MASP2: variants seen among roughly 807,000 people sequenced by gnomAD.
MASP2 encodes mannan-binding lectin serine protease 2.
Under a neutral mutation model 57.1 loss-of-function variants are expected in MASP2, and 49 were observed. That is an observed-to-expected ratio of 0.86 (90% CI 0.68 to 1.09). The LOEUF (loss-of-function observed/expected upper bound fraction) is 1.09, where lower values mean the gene tolerates loss of function less well. MASP2 is among the 50% of genes least tolerant of loss of function. The probability of loss-of-function intolerance (pLI) is 0.00; values close to 1 mark genes in which losing one functional copy is unlikely to be tolerated. For missense variants in MASP2, 900 were observed against 874.8 expected (o/e 1.03, Z -0.36); for synonymous variants, 379 against 340.8 (o/e 1.11, Z -1.24).
chr1:11,030,433 T>TG, intron 9 of MASP2, 183 bp from the exon 10 acceptor site: 1 of 594,510 alleles, frequency 1.7e-6, no homozygotes, highest in South Asian at 2.1e-5. Flanking sequence ...GCTTGCAAAG[T>TG]GGAAACCTTT....
rs759247288 is a variant in MASP2, at chr1:11,045,541, T to G, written c.413-2A>C. The G allele has an allele frequency of 5.0e-6, 8 of 1,603,256 alleles. No homozygotes were observed. In the East Asian group the frequency reaches 1.8e-4, roughly 36 times the overall value. ...GGGCCACCTGGCACTCGTCAATGTC[T>G]GGGGGAGAGGCAGGGCCAGGCAGGC... On this transcript the variant is annotated splice_acceptor_variant, in intron 3 of 10. Transcript: ENST00000400897. LOFTEE classifies it high-confidence loss of function.
Position 11,026,694 on chromosome 1 carries a change from G to A in MASP2, c.*191C>T. 1 of 432,296 alleles carries A rather than the reference G, an allele frequency of 2.3e-6. No homozygotes were observed. The highest frequency in any genetic ancestry group is 6.0e-4 in the Middle Eastern group (1 of 1,668). The allele number at this position is 432,296 out of a possible 1,614,324, so 26.8% of individuals were successfully genotyped here. A position where few individuals can be genotyped will look rare whatever the true frequency, so the allele number is the denominator to read the frequency against. On this transcript the variant is annotated 3_prime_UTR_variant, in exon 11 of 11. Transcript: ENST00000400897. The stretch of plus-strand genomic sequence containing the variant: ...ACTCTCGTGGTTTATGTCCCCTTGA[G>A]TCAATGGGTAAGGCTGGAATTAAAC...
chr1:11,039,667 A>C (rs912899687), intron 6 of MASP2, among the ~76,000 whole-genome samples: 1 of 130,776 alleles, frequency 7.6e-6, no homozygotes, highest in East Asian at 2.4e-4. Flanking sequence ...GAATGGATGC[A>C]TGGATGGATG....
intron 10 of MASP2, 154 bp downstream of exon 10, chr1:11,030,022 G>T: frequency 1.7e-6 from 1 of 580,844 alleles, no homozygotes; most frequent in African/African-American, 1.9e-5. Context: ...TGGGAAGGGG[G>T]TAATGAGAAC....
At chr1:11,033,872 G>A (rs1315060557) in intron 8 of MASP2, among the ~76,000 whole-genome samples, 1 of 151,278 alleles carries the variant, frequency 6.6e-6, no homozygotes, top group Admixed American at 6.6e-5. Flanking sequence ...GGCAGAGGTT[G>A]CAGTGAGCCG....
At position 11,026,689 on chromosome 1, in the gene MASP2, C is replaced by A; in HGVS notation, c.*196G>T. 7.1e-6 allele frequency: 3 copies of A among 423,264 alleles called. No individual in the cohort carries two copies. The allele number at this position is 423,264 out of a possible 1,614,324, so 26.2% of individuals were successfully genotyped here. A position where few individuals can be genotyped will look rare whatever the true frequency, so the allele number is the denominator to read the frequency against. On this transcript the variant is annotated 3_prime_UTR_variant, in exon 11 of 11. Coordinates refer to ENST00000400897, the MANE Select transcript of MASP2 (RefSeq NM_006610.4). The stretch of plus-strand genomic sequence containing the variant: ...CTGTCACTCTCGTGGTTTATGTCCC[C>A]TTGAGTCAATGGGTAAGGCTGGAAT...
intron 3 of MASP2, chr1:11,045,781 G>A (rs1457179778): frequency 2.2e-5 from 12 of 558,004 alleles, no homozygotes; most frequent in African/African-American, 1.5e-4. Context: ...TTCAGTGTCC[G>A]GCCCGAGGTC....
chr1:11,026,690 T>G lies in MASP2; in HGVS notation c.*195A>C. 1 of 424,438 alleles carries G rather than the reference T, an allele frequency of 2.4e-6. No homozygotes were observed. Among genetic ancestry groups the G allele is most frequent in the Non-Finnish European group, 4.1e-6 (1 of 244,718 alleles). The allele number at this position is 424,438 out of a possible 1,614,324, so 26.3% of individuals were successfully genotyped here. A position where few individuals can be genotyped will look rare whatever the true frequency, so the allele number is the denominator to read the frequency against. ...TGTCACTCTCGTGGTTTATGTCCCC[T>G]TGAGTCAATGGGTAAGGCTGGAATT... On this transcript the variant is annotated 3_prime_UTR_variant, in exon 11 of 11. Coordinates refer to ENST00000400897, the MANE Select transcript of MASP2 (RefSeq NM_006610.4).
At position 11,027,090 on chromosome 1, in the gene MASP2, G is replaced by C. The variant is rs771651004; in HGVS notation, c.1856C>G (p.Ala619Gly). The C allele has an allele frequency of 1.5e-5, 24 of 1,602,246 alleles. No individual in the cohort carries two copies. In the East Asian group the frequency reaches 5.4e-4, roughly 36 times the overall value. The change falls in exon 11 of 11, where the codon GCT (alanine) becomes GGT (glycine). Residue 619 changes from alanine (A) to glycine (G), a missense_variant. Ala to Gly is a moderately conservative substitution (Grantham distance 60). Coordinates refer to ENST00000400897, the MANE Select transcript of MASP2 (RefSeq NM_006610.4). ...RGSVTANMLC[A>G]GLESGGKDSC... Reference sequence around the variant, plus strand: ...GTCCTTGCCCCCACTTTCTAAGCCAGCACAAAGCATGTTAGCAGTTACACT... The same window carrying C: ...GTCCTTGCCCCCACTTTCTAAGCCACCACAAAGCATGTTAGCAGTTACACT...
At chr1:11,037,854 C>T in intron 6 of MASP2, 43 bp from the exon 7 acceptor site, 1 of 1,207,678 alleles carries the variant, frequency 8.3e-7, no homozygotes, top group East Asian at 2.4e-5. Context: ...ATGTGGTCTA[C>T]AGCAGCCAAG....
chr1:11,042,758 C>G (rs1275431768), intron 6 of MASP2, 117 bp downstream of exon 6: 4 of 1,195,276 alleles, frequency 3.3e-6, no homozygotes, highest in East Asian at 2.4e-5. Flanking sequence ...ACCACTAAAC[C>G]TGGTGTCCCT....
chr1:11,033,303 G>A (rs889475382), intron 8 of MASP2, among the ~76,000 whole-genome samples: 10 of 151,362 alleles, frequency 6.6e-5, no homozygotes, highest in Non-Finnish European at 1.2e-4. Context: ...ACTCCAGCCT[G>A]GGCAACAAGA....
intron 6 of MASP2, among the ~76,000 whole-genome samples, chr1:11,038,654 A>G (rs916237842): frequency 6.6e-6 from 1 of 152,100 alleles, no homozygotes; most frequent in African/African-American, 2.4e-5. Context: ...GGTGCCCCTG[A>G]CCCAGCCTGT....
intron 8 of MASP2, among the ~76,000 whole-genome samples, chr1:11,033,907 G>A (rs1217437352): frequency 2.0e-5 from 3 of 147,500 alleles, no homozygotes; most frequent in Non-Finnish European, 4.5e-5. Flanking sequence ...CTCCAGCCTG[G>A]GTGACAGAGT....
chr1:11,032,704 T>G (rs1052669937), intron 8 of MASP2, among the ~76,000 whole-genome samples: 10 of 149,518 alleles, frequency 6.7e-5, no homozygotes, highest in Non-Finnish European at 1.5e-4. Flanking sequence ...AAGTCAGGAG[T>G]TCAAGACCAG....
chr1:11,030,418 T>C lies in MASP2; in HGVS notation c.1223-168A>G, dbSNP rs190718349. ...TAAATAGGAGGTCTCTGCATTACCA[T>C]GTTTGCTTGCAAAGTGGAAACCTTT... On this transcript the variant is annotated intron_variant, in intron 9 of 10. Coordinates refer to ENST00000400897, the MANE Select transcript of MASP2 (RefSeq NM_006610.4). 1,346 of 599,970 alleles carry C rather than the reference T, an allele frequency of 2.2e-3. 15 individuals are homozygous for C. The highest frequency in any genetic ancestry group is 0.014 in the South Asian group (665 of 48,778). 37.2% of individuals were successfully genotyped at this position (599,970 alleles called of 1,614,324 possible).
chr1:11,030,471 G>T (rs1042833014), intron 9 of MASP2: 3 of 580,718 alleles, frequency 5.2e-6, no homozygotes, highest in East Asian at 2.9e-5. Flanking sequence ...TATGTATCAA[G>T]ATCTCAAGTG....
intron 6 of MASP2, among the ~76,000 whole-genome samples, chr1:11,040,857 G>GT (rs1638402577): frequency 1.3e-5 from 2 of 151,272 alleles, no homozygotes; most frequent in Non-Finnish European, 2.9e-5. Context: ...AGAATGGGTG[G>GT]GTGGATGGAT....
chr1:11,034,648 G>A (rs1016872822), intron 8 of MASP2, among the ~76,000 whole-genome samples, 180 bp downstream of exon 8: 2 of 146,814 alleles, frequency 1.4e-5, no homozygotes, highest in Non-Finnish European at 3.0e-5. Context: ...GCAGTGAGCC[G>A]AGATCACACC....
Sources: gnomAD v4.1 joint callset for allele counts (sites outside exome capture counted in the v4.1 genomes callset) on GRCh38, gnomAD v4.1.1 for gene constraint, MANE v1.5 for transcripts, NCBI Gene and HGNC (gene_info 2026-07-23, HGNC 2026-07-21) for gene names.